Variants in ATP13A4 observed in about 807,000 individuals in gnomAD.
ATP13A4 encodes probable cation-transporting ATPase 13A4.
Under a neutral mutation model 142.5 loss-of-function variants are expected in ATP13A4, and 114 were observed. That is an observed-to-expected ratio of 0.80 (90% CI 0.69 to 0.93). The LOEUF is 0.93. Ranked by LOEUF, ATP13A4 falls within the 40% of genes least tolerant of loss-of-function variation. The pLI is 0.00. For missense variants in ATP13A4, 1,392 were observed against 1,454.0 expected (o/e 0.96, Z 0.69); for synonymous variants, 488 against 514.8 (o/e 0.95, Z 0.70).
At chr3:193,526,513 A>T (rs1167598888) in intron 1 of ATP13A4, among the ~76,000 whole-genome samples, 1 of 152,164 alleles carries the variant, frequency 6.6e-6, no homozygotes, top group African/African-American at 2.4e-5. Context: ...TGCAGGGCTT[A>T]AAACCTAGAT....
chr3:193,427,233 T>A (rs978491967), intron 25 of ATP13A4, among the ~76,000 whole-genome samples: 11 of 152,048 alleles, frequency 7.2e-5, no homozygotes, highest in African/African-American at 1.4e-4. Flanking sequence ...TACCTAGGAA[T>A]CCAACTTACA....
Position 193,560,856 on chromosome 3 carries a change from A to G in ATP13A4, n.291+20851T>C, listed in dbSNP as rs117943345. ...AGGGGAGCAGTTGGCCAAGGGGGAA[A>G]GAGAGAAAGGCCATAAGACAGAAGC... On this transcript the variant is annotated intron_variant and non_coding_transcript_variant, in intron 2 of 3. Transcript: ENST00000489140. 4.0e-3 allele frequency among the ~76,000 whole-genome samples: 611 copies of G among 152,354 alleles called. 3 individuals are homozygous for G. Among genetic ancestry groups the G allele is most frequent in the South Asian group, 0.017 (81 of 4,822 alleles).
At chr3:193,412,495 G>A (rs1714820434) in intron 26 of ATP13A4, 124 bp from the exon 27 acceptor site, 1 of 753,854 alleles carries the variant, frequency 1.3e-6, no homozygotes, top group African/African-American at 1.8e-5. Context: ...ACAATTGCCT[G>A]TGCTTTGGAA....
intron 12 of ATP13A4, 28 bp downstream of exon 12, chr3:193,464,912 G>T: frequency 6.2e-7 from 1 of 1,603,992 alleles, no homozygotes; most frequent in Non-Finnish European, 8.5e-7. Context: ...TAAAAATGAT[G>T]ATAAGAATAA....
At chr3:193,556,512 T>C (rs555842261), upstream of ATP13A4, among the ~76,000 whole-genome samples, 18 of 152,136 alleles carry the variant, frequency 1.2e-4, no homozygotes, top group African/African-American at 4.1e-4. Flanking sequence ...TGTGTGTGTA[T>C]ATATATATGT....
chr3:193,578,149 C>A (rs149233127), intron 2 of ATP13A4, among the ~76,000 whole-genome samples: 1 of 151,906 alleles, frequency 6.6e-6, no homozygotes, highest in East Asian at 1.9e-4. Flanking sequence ...CAAAAAGTAG[C>A]CAGGTATGAT....
chr3:193,465,881 T>C, intron 11 of ATP13A4, 144 bp downstream of exon 11: 1 of 892,384 alleles, frequency 1.1e-6, no homozygotes, highest in Non-Finnish European at 1.8e-6. Context: ...CTGACTGGGA[T>C]CTGGAAGTCT....
chr3:193,508,497 C>T (rs1288206850), intron 2 of ATP13A4, among the ~76,000 whole-genome samples: 1 of 152,126 alleles, frequency 6.6e-6, no homozygotes, highest in Non-Finnish European at 1.5e-5. Context: ...ATCTGTAAAA[C>T]TGGAGAAAAA....
At chr3:193,484,344 A>C (rs1171811889) in intron 7 of ATP13A4, among the ~76,000 whole-genome samples, 1 of 151,476 alleles carries the variant, frequency 6.6e-6, no homozygotes, top group Non-Finnish European at 1.5e-5. Flanking sequence ...TAAATAAATA[A>C]ATAAATAAAT....
chr3:193,591,647 A>G (rs1724791158), intron 1 of ATP13A4, among the ~76,000 whole-genome samples: 1 of 152,242 alleles, frequency 6.6e-6, no homozygotes, highest in Non-Finnish European at 1.5e-5. Context: ...ATCTTTGCAT[A>G]CATGGGAATG....
At chr3:193,469,671 T>C (rs904602751) in intron 9 of ATP13A4, among the ~76,000 whole-genome samples, 1 of 152,144 alleles carries the variant, frequency 6.6e-6, no homozygotes, top group Admixed American at 6.5e-5. Flanking sequence ...CGTTTGGCAA[T>C]TGGGACTTTG....
intron 7 of ATP13A4, among the ~76,000 whole-genome samples, chr3:193,487,564 T>A (rs181462045): frequency 2.1e-4 from 32 of 152,246 alleles, no homozygotes; most frequent in African/African-American, 7.5e-4. Context: ...ATCCTGCCAC[T>A]TCAGCCTCCC....
chr3:193,416,434 C>T (rs908434569), intron 25 of ATP13A4, among the ~76,000 whole-genome samples: 4 of 151,836 alleles, frequency 2.6e-5, no homozygotes, highest in Admixed American at 2.6e-4. Flanking sequence ...GGGCAAAGAA[C>T]TAAAGGAAAT....
intron 16 of ATP13A4, among the ~76,000 whole-genome samples, chr3:193,456,212 A>G (rs1717601342): frequency 1.3e-5 from 2 of 152,342 alleles, no homozygotes; most frequent in Admixed American, 6.5e-5. Flanking sequence ...AAAACTCACA[A>G]GTTCTGCTCT....
intron 1 of ATP13A4, among the ~76,000 whole-genome samples, chr3:193,584,193 C>G (rs1724624771): frequency 6.6e-6 from 1 of 152,128 alleles, no homozygotes; most frequent in African/African-American, 2.4e-5. Flanking sequence ...CCTCGATTAT[C>G]TAGGTAGGCT....
chr3:193,573,712 T>C (rs1450423556), intron 2 of ATP13A4, among the ~76,000 whole-genome samples: 2 of 152,182 alleles, frequency 1.3e-5, no homozygotes, highest in Non-Finnish European at 2.9e-5. Flanking sequence ...AAATCTCTCC[T>C]AGCTCAGCTG....
intron 14 of ATP13A4, among the ~76,000 whole-genome samples, chr3:193,458,332 T>C (rs925461084): frequency 6.6e-6 from 1 of 152,224 alleles, no homozygotes; most frequent in Non-Finnish European, 1.5e-5. Flanking sequence ...ATTTAGTCTT[T>C]AGAGTGTTTC....
chr3:193,529,483 T>C (rs1722201184), intron 1 of ATP13A4, among the ~76,000 whole-genome samples: 1 of 152,084 alleles, frequency 6.6e-6, no homozygotes, highest in South Asian at 2.1e-4. Flanking sequence ...AGACATCTCA[T>C]ATAATTATCA....
Position 193,480,092 on chromosome 3 carries a change from T to C in ATP13A4, c.808+3844A>G, listed in dbSNP as rs563266567. Among the ~76,000 whole-genome samples the C allele has an allele frequency of 4.6e-5, 7 of 152,162 alleles. No individual in the cohort carries two copies. In the East Asian group the frequency reaches 1.4e-3, roughly 29 times the overall value. ...GAGAATGAAACTGAATCCTCTTCTC[T>C]CACCTTATAAAAAATCAACTCAAGA... is the stretch of plus-strand genomic sequence containing the variant. On this transcript the variant is annotated intron_variant, in intron 8 of 29. Coordinates refer to ENST00000342695, the MANE Select transcript of ATP13A4 (RefSeq NM_032279.4).
Sources: allele counts gnomAD v4.1 joint callset (sites outside exome capture counted in the v4.1 genomes callset), GRCh38; gene constraint gnomAD v4.1.1; transcripts MANE v1.5; gene names NCBI Gene and HGNC (gene_info 2026-07-23, HGNC 2026-07-21).